The following AASDH variants were observed in gnomAD, a reference collection of about 807,000 sequenced individuals.
The protein encoded by AASDH is beta-alanine-activating enzyme.
Under a neutral mutation model 102.3 loss-of-function variants are expected in AASDH, and 81 were observed. The ratio of observed to expected loss-of-function variants is 0.79; its 90% confidence interval spans 0.66 to 0.95. The LOEUF (loss-of-function observed/expected upper bound fraction) is 0.95, where lower values mean the gene tolerates loss of function less well. Ranked by LOEUF, AASDH falls within the 40% of genes least tolerant of loss-of-function variation. The probability of loss-of-function intolerance (pLI) is 0.00; values close to 1 mark genes in which losing one functional copy is unlikely to be tolerated. For missense variants in AASDH, 1,203 were observed against 1,266.2 expected (o/e 0.95, Z 0.76); for synonymous variants, 398 against 454.0 (o/e 0.88, Z 1.57).
intron 5 of AASDH, chr4:56,356,314 C>T: frequency 2.2e-6 from 3 of 1,381,908 alleles, no homozygotes; most frequent in Non-Finnish European, 2.0e-6. Flanking sequence ...CCTGCTCTAT[C>T]AGGTTGCAGC....
At position 56,378,478 on chromosome 4, in the gene AASDH, G is replaced by C. The variant is rs759190248; in HGVS notation, c.352-14C>G. 36 of 1,567,748 alleles carry C rather than the reference G, an allele frequency of 2.3e-5. No individual in the cohort carries two copies. The Admixed American group carries it at 2.6e-4, about 11-fold the overall frequency. On this transcript the variant is annotated splice_polypyrimidine_tract_variant and intron_variant, in intron 3 of 14. Coordinates refer to ENST00000205214, the MANE Select transcript of AASDH (RefSeq NM_181806.4). Reference sequence around the variant, plus strand: ...AGATTTAAATTTCTGTGTGAAATGGGGGACAAAGTTTACAGTATTAGTATG... The same window carrying C: ...AGATTTAAATTTCTGTGTGAAATGGCGGACAAAGTTTACAGTATTAGTATG...
At chr4:56,348,334 A>G (rs1337685646) in intron 11 of AASDH, among the ~76,000 whole-genome samples, 1 of 151,606 alleles carries the variant, frequency 6.6e-6, no homozygotes, top group Admixed American at 6.6e-5. Context: ...CACTCACAGC[A>G]GCCTCAACCT....
intron 8 of AASDH, 76 bp downstream of exon 8, chr4:56,353,963 C>T: frequency 7.4e-7 from 1 of 1,352,108 alleles, no homozygotes; most frequent in Non-Finnish European, 9.9e-7. Flanking sequence ...ATAGAGACCC[C>T]AGCACAGAAA....
chr4:56,344,897 C>T (rs1195419131), intron 12 of AASDH, among the ~76,000 whole-genome samples: 1 of 151,094 alleles, frequency 6.6e-6, no homozygotes, highest in Non-Finnish European at 1.5e-5. Flanking sequence ...AAATTTAATG[C>T]TTCTATGCTT....
intron 11 of AASDH, among the ~76,000 whole-genome samples, chr4:56,348,465 G>A (rs746052397): frequency 1.3e-5 from 2 of 152,058 alleles, no homozygotes; most frequent in Admixed American, 6.6e-5. Context: ...ATGTTACCCA[G>A]GCTGGTCTCG....
chr4:56,338,629 G>GTGT lies in AASDH; in HGVS notation c.3067_3069dup (p.Thr1023dup), dbSNP rs757966946. Reference sequence around the variant, plus strand: ...CCATTGTAGTTATGGAAAGCAAACGGTGTTGCATAGACCCTTGAAGTAGTT... The same window carrying GTGT: ...CCATTGTAGTTATGGAAAGCAAACGGTGTTGTTGCATAGACCCTTGAAGTAGTT... On this transcript the variant is annotated inframe_insertion, in exon 15 of 15. Transcript: ENST00000205214. 6.2e-7 allele frequency: 1 copy of GTGT among 1,614,172 alleles called. No homozygotes were observed. The highest frequency in any genetic ancestry group is 8.5e-7 in the Non-Finnish European group (1 of 1,180,020).
chr4:56,338,958 A>AC (rs1747274626), intron 14 of AASDH, among the ~76,000 whole-genome samples, 167 bp from the exon 15 acceptor site: 1 of 152,096 alleles, frequency 6.6e-6, no homozygotes, highest in Non-Finnish European at 1.5e-5. Flanking sequence ...ATCATACTAG[A>AC]CCTCTGTCCC....
rs1165828449 is a variant in AASDH, at chr4:56,351,405, C to G, written c.1629G>C (p.Leu543Phe). The G allele has an allele frequency of 1.0e-5, 16 of 1,605,714 alleles. No homozygotes were observed. Among genetic ancestry groups the G allele is most frequent in the Admixed American group, 3.4e-5 (2 of 59,566 alleles). The change falls in exon 10 of 15, where the codon TTG (leucine) becomes TTC (phenylalanine). Residue 543 changes from leucine to phenylalanine, a missense_variant. Transcript: ENST00000205214. ...LNKIYLNYIN[L>F]KSENKLSGKE... ...TCCCACTGAGCTTATTCTCAGACTT[C>G]AAGTTTATGTAGTTTAAATATATCT...
At chr4:56,379,663 G>A (rs1289664233) in intron 3 of AASDH, among the ~76,000 whole-genome samples, 2 of 152,162 alleles carry the variant, frequency 1.3e-5, no homozygotes, top group Non-Finnish European at 2.9e-5. Context: ...TGATAATAAA[G>A]CAGGCTTGAA....
At chr4:56,380,818 C>T (rs1341771596) in intron 3 of AASDH, among the ~76,000 whole-genome samples, 1 of 152,108 alleles carries the variant, frequency 6.6e-6, no homozygotes. Context: ...TATCGCTGGC[C>T]TCTACCCACC....
At position 56,365,271 on chromosome 4, in the gene AASDH, G is replaced by C. The variant is rs575144857; in HGVS notation, c.861+6180C>G. Among the ~76,000 whole-genome samples, 464 of 151,874 alleles carry C rather than the reference G, an allele frequency of 3.1e-3. 1 individual carries two copies. The highest frequency in any genetic ancestry group is 0.011 in the African/African-American group (435 of 41,388). On this transcript the variant is annotated intron_variant, in intron 5 of 14. Coordinates refer to ENST00000205214, the MANE Select transcript of AASDH (RefSeq NM_181806.4). ...TTAGACTCCCACACAATAATAATGG[G>C]AGACTTTCACACCCCACTGCCAACA...
chr4:56,355,338 G>T lies in AASDH; in HGVS notation c.947C>A (p.Ala316Asp), dbSNP rs148897135. 15 of 1,614,002 alleles carry T rather than the reference G, an allele frequency of 9.3e-6. No individual in the cohort carries two copies. Among genetic ancestry groups the T allele is most frequent in the African/African-American group, 2.7e-5 (2 of 74,904 alleles). Reference sequence around the variant, plus strand: ...TGATGGAAACGCTTCACCACCAAGGGCTAATACTCGAAGAGAAGTAGTGGC... The same window carrying T: ...TGATGGAAACGCTTCACCACCAAGGTCTAATACTCGAAGAGAAGTAGTGGC... ...LSATTSLRVLALGGEAFPSLT... is the reference protein window; with the variant it reads ...LSATTSLRVLDLGGEAFPSLT... Residue 316 changes from alanine (A) to aspartate (D), a missense_variant, in exon 6 of 15, where the codon GCC (alanine) becomes GAC (aspartate). Ala to Asp is a moderately radical substitution (Grantham distance 126). Transcript: ENST00000205214.
intron 4 of AASDH, 64 bp from the exon 5 acceptor site, chr4:56,371,707 G>A (rs7680545): frequency 7.1e-7 from 1 of 1,414,164 alleles, no homozygotes; most frequent in Non-Finnish European, 9.5e-7. Flanking sequence ...TATCCTAAAA[G>A]AGTGTTCATG....
At chr4:56,371,335 A>G (rs1751680566) in intron 5 of AASDH, 116 bp downstream of exon 5, 3 of 1,104,812 alleles carry the variant, frequency 2.7e-6, no homozygotes, top group Non-Finnish European at 3.8e-6. Flanking sequence ...GCCCTTGATA[A>G]TCTAACCAGA....
At position 56,356,448 on chromosome 4, in the gene AASDH, A is replaced by T. The variant is rs1203626960; in HGVS notation, c.862-1025T>A. 13 of 1,580,056 alleles carry T rather than the reference A, an allele frequency of 8.2e-6. No individual in the cohort carries two copies. The East Asian group carries it at 2.9e-4, about 36-fold the overall frequency. ...GCTGGCCCACAAGTACAGACCAGAGACAAAGCAAGAGAAGAAGCAGAGGCT... is the reference window on the plus strand; with the variant it reads ...GCTGGCCCACAAGTACAGACCAGAGTCAAAGCAAGAGAAGAAGCAGAGGCT... On this transcript the variant is annotated intron_variant, in intron 5 of 14. Transcript: ENST00000205214.
At chr4:56,346,730 C>G (rs1442313071) in intron 11 of AASDH, among the ~76,000 whole-genome samples, 1 of 152,094 alleles carries the variant, frequency 6.6e-6, no homozygotes, top group Admixed American at 6.6e-5. Flanking sequence ...AAAAGATACA[C>G]AGAGAGCAAA....
At position 56,355,412 on chromosome 4, in the gene AASDH, T is replaced by C. The variant is rs778606733; in HGVS notation, c.873A>G (p.Thr291=). The change falls in exon 6 of 15, where the codon ACA becomes ACG. Residue 291 remains threonine (T), a synonymous_variant. Transcript: ENST00000205214. ...HRVTVLQATP[T]LLRRFGSQLI... Reference sequence around the variant, plus strand: ...GCTGAGATCCAAATCTTCTAAGCAATGTTGGTGTTGCCTGTAGATACATTA... The same window carrying C: ...GCTGAGATCCAAATCTTCTAAGCAACGTTGGTGTTGCCTGTAGATACATTA... 42 of 1,613,516 alleles carry C rather than the reference T, an allele frequency of 2.6e-5. No individual in the cohort carries two copies. Among genetic ancestry groups the C allele is most frequent in the African/African-American group, 4.0e-5 (3 of 74,896 alleles).
chr4:56,355,534 CTG>C, intron 5 of AASDH, 111 bp from the exon 6 acceptor site: 1 of 955,272 alleles, frequency 1.0e-6, no homozygotes, highest in Non-Finnish European at 1.5e-6. Context: ...GAAATGAAGG[CTG>C]TGTTTATCAA....
At chr4:56,350,179 G>GTTTA in intron 10 of AASDH, 121 bp from the exon 11 acceptor site, 1 of 949,538 alleles carries the variant, frequency 1.1e-6, no homozygotes, top group Non-Finnish European at 1.5e-6. Flanking sequence ...TATAGGTCGG[G>GTTTA]TACAGTGGCT....
Sources: gnomAD v4.1 joint callset for allele counts (sites outside exome capture counted in the v4.1 genomes callset) on GRCh38, gnomAD v4.1.1 for gene constraint, MANE v1.5 for transcripts, NCBI Gene and HGNC (gene_info 2026-07-23, HGNC 2026-07-21) for gene names.